The following ABHD12 variants were observed in gnomAD, a reference collection of about 807,000 sequenced individuals.
The protein encoded by ABHD12 is abhydrolase domain containing 12, lysophospholipase.
Under a neutral mutation model 58.3 loss-of-function variants are expected in ABHD12, and 43 were observed. That is an observed-to-expected ratio of 0.74 (90% CI 0.58 to 0.95). The LOEUF (loss-of-function observed/expected upper bound fraction) is 0.95. Ranked by LOEUF, ABHD12 falls within the 40% of genes least tolerant of loss-of-function variation. ABHD12 has a pLI of 0.00. For missense variants in ABHD12, 539 were observed against 537.2 expected (o/e 1.00, Z -0.03); for synonymous variants, 219 against 211.2 (o/e 1.04, Z -0.32).
At chr20:25,336,541 A>C (rs1394892788) in intron 2 of ABHD12, among the ~76,000 whole-genome samples, 1 of 152,172 alleles carries the variant, frequency 6.6e-6, no homozygotes, top group Non-Finnish European at 1.5e-5. Flanking sequence ...TGCCCAGGTC[A>C]GGCTTCTTGT....
At chr20:25,314,339 C>T (rs970233296) in intron 6 of ABHD12, among the ~76,000 whole-genome samples, 5 of 152,118 alleles carry the variant, frequency 3.3e-5, no homozygotes. Flanking sequence ...TAAACCATGT[C>T]TGACGTCCAG....
intron 1 of ABHD12, among the ~76,000 whole-genome samples, chr20:25,352,744 C>A (rs920110503): frequency 6.6e-6 from 1 of 152,016 alleles, no homozygotes; most frequent in Non-Finnish European, 1.5e-5. Context: ...AAAATGAATT[C>A]TAATTAAAAT....
chr20:25,314,571 C>G (rs1270445585), intron 6 of ABHD12, among the ~76,000 whole-genome samples: 3 of 151,696 alleles, frequency 2.0e-5, no homozygotes, highest in Non-Finnish European at 4.4e-5. Context: ...CACAGCTACT[C>G]GAGAGCCTAA....
intron 1 of ABHD12, among the ~76,000 whole-genome samples, chr20:25,382,321 C>T (rs1188630563): frequency 6.6e-6 from 1 of 151,994 alleles, no homozygotes; most frequent in Non-Finnish European, 1.5e-5. Context: ...ACACTCTAGA[C>T]GCTGGCTCTC....
At chr20:25,354,212 AG>A (rs1304045997) in intron 1 of ABHD12, among the ~76,000 whole-genome samples, 1 of 152,228 alleles carries the variant, frequency 6.6e-6, no homozygotes, top group Admixed American at 6.5e-5. Context: ...CATATTTGGC[AG>A]TAAAGCAAAA....
intron 1 of ABHD12, among the ~76,000 whole-genome samples, chr20:25,381,382 C>T (rs2146132153): frequency 6.6e-6 from 1 of 152,260 alleles, no homozygotes; most frequent in African/African-American, 2.4e-5. Flanking sequence ...GCAACGGCCT[C>T]AGCATTCACA....
At chr20:25,316,677 G>A (rs921596721) in intron 5 of ABHD12, among the ~76,000 whole-genome samples, 20 of 152,164 alleles carry the variant, frequency 1.3e-4, no homozygotes, top group Non-Finnish European at 1.9e-4. Flanking sequence ...AGCTCAACAC[G>A]CCTGTCATCC....
At chr20:25,330,136 C>A (rs1165285623) in intron 2 of ABHD12, among the ~76,000 whole-genome samples, 1 of 152,264 alleles carries the variant, frequency 6.6e-6, no homozygotes, top group Admixed American at 6.5e-5. Flanking sequence ...CAGGGCAAGG[C>A]ATTGCCTCAC....
intron 1 of ABHD12, among the ~76,000 whole-genome samples, chr20:25,379,876 G>C (rs1461467635): frequency 6.6e-6 from 1 of 151,342 alleles, no homozygotes; most frequent in East Asian, 1.9e-4. Flanking sequence ...TTTTGGTCTA[G>C]ATGAGGTCTC....
rs764697555 is a variant in ABHD12, at chr20:25,303,579, G to T, written c.1000C>A (p.Pro334Thr). Residue 334 changes from proline to threonine, a missense_variant, in exon 11 of 13, where the codon CCG (proline) becomes ACG (threonine). Pro to Thr is a conservative substitution (Grantham distance 38, BLOSUM62 -1). Transcript: ENST00000339157. ...CTGCCAAGCTGGAAGGGCACCACCGGGTCGTCCTCAGCGTGCAGGATGAGC... is the reference window on the plus strand; with the variant it reads ...CTGCCAAGCTGGAAGGGCACCACCGTGTCGTCCTCAGCGTGCAGGATGAGC... ...PLLILHAEDD[P>T]VVPFQLGRKL... 6.8e-6 allele frequency: 11 copies of T among 1,613,872 alleles called. 1 individual carries two copies. In the East Asian group the frequency reaches 2.5e-4, roughly 36 times the overall value.
chr20:25,298,290 A>G (rs1215298076), downstream of ABHD12, among the ~76,000 whole-genome samples: 1 of 151,478 alleles, frequency 6.6e-6, no homozygotes, highest in African/African-American at 2.4e-5. Flanking sequence ...TTTGAGATGG[A>G]GTTTTGCTTT....
chr20:25,341,257 G>A (rs2089450403), intron 1 of ABHD12, among the ~76,000 whole-genome samples: 1 of 152,206 alleles, frequency 6.6e-6, no homozygotes, highest in African/African-American at 2.4e-5. Flanking sequence ...ACCTGCTGCT[G>A]GGGATACTGC....
chr20:25,381,300 A>G (rs1457815221), intron 1 of ABHD12, among the ~76,000 whole-genome samples: 1 of 152,128 alleles, frequency 6.6e-6, no homozygotes. Flanking sequence ...TTAGTGCCCT[A>G]AGCACATGAC....
At chr20:25,308,368 A>C in intron 8 of ABHD12, 89 bp downstream of exon 8, 1 of 1,506,416 alleles carries the variant, frequency 6.6e-7, no homozygotes, top group Non-Finnish European at 9.1e-7. Context: ...ATGCTGCTCC[A>C]TGAGGACGCT....
chr20:25,365,965 G>A (rs952811793), intron 1 of ABHD12, among the ~76,000 whole-genome samples: 1 of 152,246 alleles, frequency 6.6e-6, no homozygotes, highest in African/African-American at 2.4e-5. Context: ...GCTTGAGCCC[G>A]GGAGGTCAAG....
intron 1 of ABHD12, among the ~76,000 whole-genome samples, chr20:25,370,514 C>G (rs767061914): frequency 1.3e-5 from 2 of 152,206 alleles, no homozygotes; most frequent in African/African-American, 4.8e-5. Flanking sequence ...TCAAGTGACA[C>G]TGGCTCAATA....
intron 1 of ABHD12, among the ~76,000 whole-genome samples, chr20:25,386,962 T>C (rs1185180593): frequency 1.3e-5 from 2 of 152,132 alleles, no homozygotes; most frequent in African/African-American, 4.8e-5. Context: ...ACAATGATGA[T>C]TCAATAATAT....
At chr20:25,304,353 G>A (rs1362810181) in intron 10 of ABHD12, among the ~76,000 whole-genome samples, 1 of 152,228 alleles carries the variant, frequency 6.6e-6, no homozygotes, top group Non-Finnish European at 1.5e-5. Context: ...TCTCACCAGA[G>A]GCTCTGGAGG....
At chr20:25,366,653 T>A (rs867145588) in intron 1 of ABHD12, among the ~76,000 whole-genome samples, 6 of 152,346 alleles carry the variant, frequency 3.9e-5, no homozygotes, top group Admixed American at 2.0e-4. Flanking sequence ...ATTTCACTCC[T>A]GTTTTCTTCT....
Sources: gnomAD v4.1 joint callset for allele counts (sites outside exome capture counted in the v4.1 genomes callset) on GRCh38, gnomAD v4.1.1 for gene constraint, MANE v1.5 for transcripts, NCBI Gene and HGNC (gene_info 2026-07-23, HGNC 2026-07-21) for gene names.